Variants in CCDC30 observed in about 807,000 individuals in gnomAD.
The protein encoded by CCDC30 is coiled-coil domain containing 30.
A neutral mutation model predicts 100.2 loss-of-function variants in CCDC30; 70 were observed. That is an observed-to-expected ratio of 0.70 (90% CI 0.58 to 0.85). The LOEUF (loss-of-function observed/expected upper bound fraction) is 0.85, where lower values mean the gene tolerates loss of function less well. CCDC30 is among the 40% of genes least tolerant of loss of function. CCDC30 has a pLI of 0.00. For synonymous variants in CCDC30, 233 were observed against 269.5 expected (o/e 0.86, Z 1.33); for missense variants, 652 against 771.2 (o/e 0.85, Z 1.83).
rs545352046 is a variant in CCDC30, at chr1:42,476,690, C to CA, written c.-91-3757dup. Among the ~76,000 whole-genome samples, 999 of 108,606 alleles carry CA rather than the reference C, an allele frequency of 9.2e-3. 11 individuals carry two copies. The highest frequency in any genetic ancestry group is 0.028 in the African/African-American group (801 of 29,036). 71.2% of individuals were successfully genotyped at this position (108,606 alleles called of 152,430 possible). ...GGGCAAAAGGAGTGAAACTCCTTCT[C>CA]AAAAAAAAAAAAAAGATAAAAAAAT... On this transcript the variant is annotated intron_variant, in intron 1 of 16. Transcript: ENST00000668663.
intron 6 of CCDC30, among the ~76,000 whole-genome samples, chr1:42,509,504 G>T (rs1644445138): frequency 6.6e-6 from 1 of 152,118 alleles, no homozygotes; most frequent in Non-Finnish European, 1.5e-5. Flanking sequence ...AACTGACTTA[G>T]CACAGAAGAC....
intron 6 of CCDC30, among the ~76,000 whole-genome samples, chr1:42,527,835 C>G (rs1226820889): frequency 6.6e-6 from 1 of 151,688 alleles, no homozygotes; most frequent in Non-Finnish European, 1.5e-5. Flanking sequence ...CTTCTCTACT[C>G]TTTCTTTTTT....
chr1:42,641,090 T>C (rs909779449), intron 12 of CCDC30, among the ~76,000 whole-genome samples: 7 of 151,984 alleles, frequency 4.6e-5, no homozygotes, highest in African/African-American at 1.4e-4. Flanking sequence ...ACCCTGTTTC[T>C]ACTATTTTAT....
At chr1:42,554,879 G>A (rs373935326) in intron 6 of CCDC30, among the ~76,000 whole-genome samples, 37 of 151,842 alleles carry the variant, frequency 2.4e-4, no homozygotes, top group African/African-American at 7.2e-4. Context: ...TCCCTGGTTC[G>A]TCTTATCCAG....
chr1:42,644,959 C>G, intron 14 of CCDC30, 152 bp downstream of exon 18: 1 of 609,666 alleles, frequency 1.6e-6, no homozygotes, highest in Non-Finnish European at 2.9e-6. Flanking sequence ...GGCTGCACAC[C>G]AGGATAGCAG....
chr1:42,474,849 T>C (rs1261814785), intron 1 of CCDC30, among the ~76,000 whole-genome samples: 1 of 152,206 alleles, frequency 6.6e-6, no homozygotes, highest in Non-Finnish European at 1.5e-5. Flanking sequence ...GCTTTCTACC[T>C]GTTATTATGC....
intron 15 of CCDC30, among the ~76,000 whole-genome samples, chr1:42,650,557 A>G (rs1043048985): frequency 1.3e-5 from 2 of 149,872 alleles, no homozygotes; most frequent in East Asian, 3.9e-4. Flanking sequence ...GAACTACAGT[A>G]ATTAAAACAA....
intron 10 of CCDC30, among the ~76,000 whole-genome samples, chr1:42,603,931 T>G (rs962738759): frequency 7.9e-5 from 12 of 152,180 alleles, no homozygotes; most frequent in African/African-American, 2.2e-4. Context: ...TAATAAGTGG[T>G]TTGAAGGGAC....
exon 8 of CCDC30, chr1:42,577,130 G>T: frequency 6.2e-7 from 1 of 1,614,080 alleles, no homozygotes; most frequent in Non-Finnish European, 8.5e-7. Context: ...AGGAACTGGA[G>T]TTGGAAGTAC....
At chr1:42,580,943 C>T (rs1570138114) in intron 8 of CCDC30, 3 of 446,450 alleles carry the variant, frequency 6.7e-6, no homozygotes, top group South Asian at 1.6e-5. Context: ...ATCTATCAAA[C>T]AAACAAATAC....
intron 11 of CCDC30, among the ~76,000 whole-genome samples, chr1:42,635,181 G>C (rs1292024467): frequency 6.6e-6 from 1 of 152,010 alleles, no homozygotes; most frequent in African/African-American, 2.4e-5. Flanking sequence ...TCAGCCTCCT[G>C]AATACAGGTG....
chr1:42,535,293 C>A (rs1180312003), intron 6 of CCDC30, among the ~76,000 whole-genome samples: 1 of 152,012 alleles, frequency 6.6e-6, no homozygotes, highest in Non-Finnish European at 1.5e-5. Context: ...ATATAAACTG[C>A]CACTTACAGA....
At chr1:42,599,650 G>A (rs79808177) in intron 10 of CCDC30, among the ~76,000 whole-genome samples, 2 of 152,244 alleles carry the variant, frequency 1.3e-5, no homozygotes, top group African/African-American at 2.4e-5. Flanking sequence ...CCAACTATAT[G>A]TTGTCTACAA....
At chr1:42,543,570 A>G (rs898930518) in intron 6 of CCDC30, among the ~76,000 whole-genome samples, 1 of 152,106 alleles carries the variant, frequency 6.6e-6, no homozygotes, top group African/African-American at 2.4e-5. Context: ...TTATTTCTGC[A>G]GCTCCTTACT....
At chr1:42,514,957 A>G (rs898702084) in intron 6 of CCDC30, among the ~76,000 whole-genome samples, 15 of 152,136 alleles carry the variant, frequency 9.9e-5, no homozygotes, top group African/African-American at 3.4e-4. Context: ...TTGGCCTCTT[A>G]GGTGTTGAAT....
At chr1:42,646,457 T>C in intron 15 of CCDC30, 140 bp downstream of exon 19, 1 of 1,173,246 alleles carries the variant, frequency 8.5e-7, no homozygotes, top group Non-Finnish European at 1.1e-6. Flanking sequence ...CCCCACTTTC[T>C]TGGGTTTCCT....
intron 8 of CCDC30, 47 bp from the exon 13 acceptor site, chr1:42,581,313 G>A (rs759880077): frequency 6.7e-7 from 1 of 1,491,366 alleles, no homozygotes; most frequent in East Asian, 2.3e-5. Flanking sequence ...TTGAAAAAAG[G>A]TCACACTCTT....
intron 6 of CCDC30, among the ~76,000 whole-genome samples, chr1:42,544,805 C>T (rs1469955124): frequency 6.6e-6 from 1 of 152,110 alleles, no homozygotes; most frequent in Non-Finnish European, 1.5e-5. Context: ...TTGCACCCGG[C>T]CAAGACTGCG....
At chr1:42,636,280 G>A (rs1198948625) in intron 11 of CCDC30, among the ~76,000 whole-genome samples, 1 of 152,038 alleles carries the variant, frequency 6.6e-6, no homozygotes, top group African/African-American at 2.4e-5. Flanking sequence ...TTAACCAGGT[G>A]TGGTGGTGTG....
Sources: allele counts gnomAD v4.1 joint callset (sites outside exome capture counted in the v4.1 genomes callset), GRCh38; gene constraint gnomAD v4.1.1; transcripts MANE v1.5; gene names NCBI Gene and HGNC (gene_info 2026-07-23, HGNC 2026-07-21).